The following MEI4 variants were observed in gnomAD, a reference collection of about 807,000 sequenced individuals.
MEI4 encodes the protein meiosis-specific protein MEI4.
Under a neutral mutation model 31.4 loss-of-function variants are expected in MEI4, and 27 were observed. The observed-to-expected ratio is 0.86, with a 90% CI of 0.63 to 1.19. MEI4 has a LOEUF of 1.19. Ranked by LOEUF, MEI4 falls within the 50% of genes most tolerant of loss-of-function variation. The pLI is 0.00. For synonymous variants in MEI4, 122 were observed against 145.4 expected, an observed-to-expected ratio of 0.84 and a Z score of 1.16; for missense variants, 329 against 398.9, an observed-to-expected ratio of 0.82 and a Z score of 1.49.
intron 1 of MEI4, among the ~76,000 whole-genome samples, chr6:77,688,017 TC>T (rs1261741294): frequency 2.0e-5 from 3 of 152,100 alleles, no homozygotes; most frequent in Non-Finnish European, 4.4e-5. Flanking sequence ...CCTGAAGCTT[TC>T]TAGGGGCCTG....
At chr6:77,784,611 A>G (rs919300583) in intron 3 of MEI4, among the ~76,000 whole-genome samples, 1 of 152,188 alleles carries the variant, frequency 6.6e-6, no homozygotes, top group African/African-American at 2.4e-5. Flanking sequence ...AAGAGTGTCA[A>G]TTAAAGCTGG....
At position 77,926,470 on chromosome 6, in the gene MEI4, C is replaced by CTGGT. The variant is rs1766847400; in HGVS notation, c.*3126_*3129dup. ...AAATGGGGAGAGAAAACAAATCTGA[C>CTGGT]TGGTTTGTTCTTGGAAAAATATATA... On this transcript the variant is annotated 3_prime_UTR_variant, in exon 5 of 5. Transcript: ENST00000684080. The CTGGT allele has an allele frequency of 6.6e-6, 1 of 151,884 alleles. No homozygotes were observed. The highest frequency in any genetic ancestry group is 2.4e-5 in the African/African-American group (1 of 41,388). 9.4% of individuals were successfully genotyped at this position (151,884 alleles called of 1,614,324 possible).
At chr6:77,787,291 T>A (rs1240759972) in intron 3 of MEI4, among the ~76,000 whole-genome samples, 6 of 152,194 alleles carry the variant, frequency 3.9e-5, no homozygotes, top group Admixed American at 2.6e-4. Flanking sequence ...GTGCACCTGC[T>A]AATGGGCCTT....
rs183352170 is a variant in MEI4, at chr6:77,742,996, C to G, written c.233-18134C>G. Among the ~76,000 whole-genome samples, 394 of 152,102 alleles carry G rather than the reference C, an allele frequency of 2.6e-3. 2 individuals carry two copies. Among genetic ancestry groups the G allele is most frequent in the African/African-American group, 8.8e-3 (364 of 41,448 alleles). On this transcript the variant is annotated intron_variant, in intron 2 of 4. Transcript: ENST00000684080. ...TTGATCTATATCTCTGTTTTGGTACCAGTACCATGCTGTTTTGGTTACTGT... is the reference window on the plus strand; with the variant it reads ...TTGATCTATATCTCTGTTTTGGTACGAGTACCATGCTGTTTTGGTTACTGT...
chr6:77,739,589 G>T (rs1215135270), intron 2 of MEI4, among the ~76,000 whole-genome samples: 1 of 152,088 alleles, frequency 6.6e-6, no homozygotes, highest in Non-Finnish European at 1.5e-5. Flanking sequence ...GGAGCAAGGG[G>T]AGGGACACCA....
chr6:77,730,665 C>T (rs1905264), intron 2 of MEI4, among the ~76,000 whole-genome samples: 43,749 of 151,304 alleles, frequency 0.29, 6,459 homozygotes, highest in East Asian at 0.48. Flanking sequence ...TTAGGGTACA[C>T]GTGCACAATG....
intron 3 of MEI4, among the ~76,000 whole-genome samples, chr6:77,801,412 A>G (rs1276759081): frequency 6.6e-6 from 1 of 151,896 alleles, no homozygotes; most frequent in Non-Finnish European, 1.5e-5. Flanking sequence ...CAGTCTGTCA[A>G]TTTTGTTGCT....
chr6:77,677,881 T>A (rs1768873783), intron 1 of MEI4, among the ~76,000 whole-genome samples: 1 of 152,242 alleles, frequency 6.6e-6, no homozygotes, highest in African/African-American at 2.4e-5. Flanking sequence ...TTTCTTTTAT[T>A]TTCTGTATTT....
chr6:77,865,846 C>A (rs1416203613), intron 4 of MEI4, among the ~76,000 whole-genome samples: 1 of 152,150 alleles, frequency 6.6e-6, no homozygotes, highest in Non-Finnish European at 1.5e-5. Context: ...TACTGGCAAA[C>A]CGAATCCAGC....
chr6:77,867,498 A>C (rs1771070145), intron 4 of MEI4, among the ~76,000 whole-genome samples: 1 of 152,230 alleles, frequency 6.6e-6, no homozygotes, highest in South Asian at 2.1e-4. Flanking sequence ...AGAGAAATGC[A>C]AATCAAAACC....
intron 1 of MEI4, among the ~76,000 whole-genome samples, chr6:77,660,531 G>T (rs1214563517): frequency 1.3e-5 from 2 of 151,840 alleles, no homozygotes; most frequent in African/African-American, 2.4e-5. Flanking sequence ...CCGGACAGAA[G>T]ATAGTAGGGA....
intron 2 of MEI4, among the ~76,000 whole-genome samples, chr6:77,743,866 A>C (rs1001045870): frequency 6.6e-6 from 1 of 152,260 alleles, no homozygotes; most frequent in African/African-American, 2.4e-5. Context: ...CAGGGTGTGC[A>C]GTGGACCTCT....
In MEI4 at chr6:77,774,080, A is replaced by G. The variant is rs540864607; in HGVS notation, c.768+12415A>G. Among the ~76,000 whole-genome samples, 7 of 152,260 alleles carry G rather than the reference A, an allele frequency of 4.6e-5. No homozygotes were observed. In the South Asian group the frequency reaches 1.2e-3, roughly 27 times the overall value. The stretch of plus-strand genomic sequence containing the variant: ...ACTGTTGGTGTAAATGTAAATTAGT[A>G]CAACCACTATGGAGAACAGTTTGAG... On this transcript the variant is annotated intron_variant, in intron 3 of 4. Coordinates refer to ENST00000684080, the MANE Select transcript of MEI4 (RefSeq NM_001322247.2).
intron 3 of MEI4, among the ~76,000 whole-genome samples, chr6:77,765,669 C>G (rs914981819): frequency 1.3e-5 from 2 of 149,782 alleles, no homozygotes; most frequent in Non-Finnish European, 2.9e-5. Flanking sequence ...CCATTTGACC[C>G]AGCCATCCCA....
intron 1 of MEI4, among the ~76,000 whole-genome samples, chr6:77,687,618 G>A (rs551471134): frequency 2.4e-4 from 37 of 152,182 alleles, no homozygotes; most frequent in Admixed American, 7.2e-4. Flanking sequence ...TTATTCAGAG[G>A]TTCTCACAAC....
rs778361282 is a variant in MEI4 at position 77,741,051 on chromosome 6, G to T, written c.233-20079G>T. Among the ~76,000 whole-genome samples the T allele has an allele frequency of 7.2e-5, 11 of 152,082 alleles. 1 individual carries two copies. Among genetic ancestry groups the T allele is most frequent in the Non-Finnish European group, 1.5e-4 (10 of 68,028 alleles). Reference sequence around the variant, plus strand: ...TTTTTGTCTGGAGAGAGCAGGGATGGTTTCACAGAAAATTTGAAGCAGGGT... The same window carrying T: ...TTTTTGTCTGGAGAGAGCAGGGATGTTTTCACAGAAAATTTGAAGCAGGGT... On this transcript the variant is annotated intron_variant, in intron 2 of 4. Coordinates refer to ENST00000684080, the MANE Select transcript of MEI4 (RefSeq NM_001322247.2).
intron 2 of MEI4, chr6:77,716,913 TACTC>T (rs1766593218): frequency 6.3e-6 from 6 of 956,314 alleles, no homozygotes; most frequent in Non-Finnish European, 6.2e-6. Flanking sequence ...GTCACTTGCT[TACTC>T]ACAGCTTTGT....
At chr6:77,712,180 T>C (rs1766479704) in intron 2 of MEI4, among the ~76,000 whole-genome samples, 1 of 152,200 alleles carries the variant, frequency 6.6e-6, no homozygotes, top group Non-Finnish European at 1.5e-5. Flanking sequence ...TTTGTTTGTT[T>C]GCATATACAC....
At position 77,761,288 on chromosome 6, in the gene MEI4, C is replaced by T. The variant is rs1166510259; in HGVS notation, c.391C>T (p.Pro131Ser). ...FVESCTPTHFPPLPLVKRPCA... is the reference protein window; with the variant it reads ...FVESCTPTHFSPLPLVKRPCA... ...GGAAAGCTGTACCCCCACTCACTTT[C>T]CACCACTGCCTCTTGTGAAAAGACC... Residue 131 changes from proline to serine, a missense_variant, in exon 3 of 5, where the codon CCA becomes TCA. Physicochemically the swap from Pro to Ser is moderately conservative, Grantham distance 74. Transcript: ENST00000684080. 8.1e-7 allele frequency: 1 copy of T among 1,232,636 alleles called. No individual in the cohort carries two copies. The allele number at this position is 1,232,636 out of a possible 1,614,324, so 76.4% of individuals were successfully genotyped here. A position where few individuals can be genotyped will look rare whatever the true frequency, so the allele number is the denominator to read the frequency against.
Sources: gnomAD v4.1 joint callset for allele counts (sites outside exome capture counted in the v4.1 genomes callset) on GRCh38, gnomAD v4.1.1 for gene constraint, MANE v1.5 for transcripts, NCBI Gene and HGNC (gene_info 2026-07-23, HGNC 2026-07-21) for gene names.